The following SLK variants were observed in gnomAD, a reference collection of about 807,000 sequenced individuals.
The protein encoded by SLK is STE20 like kinase.
SLK carries 67 observed loss-of-function variants against 147.7 expected under a neutral mutation model. The observed-to-expected ratio is 0.45, with a 90% CI of 0.37 to 0.56. The LOEUF (loss-of-function observed/expected upper bound fraction) is 0.56. Among genes scored for constraint, SLK ranks in the 20% least tolerant of loss-of-function variants. The pLI is 0.00. For synonymous variants in SLK, 441 were observed against 475.0 expected (o/e 0.93, Z 0.93); for missense variants, 1,136 against 1,438.8 (o/e 0.79, Z 3.41).
At chr10:103,989,988 A>G (rs973108137) in intron 1 of SLK, among the ~76,000 whole-genome samples, 3 of 152,244 alleles carry the variant, frequency 2.0e-5, no homozygotes, top group African/African-American at 4.8e-5. Flanking sequence ...AGACAATAGA[A>G]TATTATTCAG....
In SLK at chr10:104,006,119, G is replaced by T. The variant is rs578108214; in HGVS notation, c.2604+84G>T. Reference sequence around the variant, plus strand: ...CATTAAAAACAGACAAACAAAAAAGGTTGTAGAACTTGTTCTCTGATTGCC... The same window carrying T: ...CATTAAAAACAGACAAACAAAAAAGTTTGTAGAACTTGTTCTCTGATTGCC... On this transcript the variant is annotated intron_variant, in intron 11 of 18. Coordinates refer to ENST00000369755, the MANE Select transcript of SLK (RefSeq NM_014720.4). The T allele has an allele frequency of 5.1e-6, 7 of 1,379,246 alleles. No homozygotes were observed. In the African/African-American group the frequency reaches 1.1e-4, roughly 21 times the overall value. The allele number at this position is 1,379,246 out of a possible 1,614,324, so 85.4% of individuals were successfully genotyped here. A position where few individuals can be genotyped will look rare whatever the true frequency, so the allele number is the denominator to read the frequency against.
intron 18 of SLK, among the ~76,000 whole-genome samples, chr10:104,023,381 C>T (rs574209611): frequency 9.8e-5 from 15 of 152,298 alleles, no homozygotes; most frequent in East Asian, 1.9e-4. Context: ...TAAAGTCATA[C>T]AGGTGTGTGT....
At chr10:103,977,288 T>A (rs1682930016) in intron 1 of SLK, among the ~76,000 whole-genome samples, 1 of 152,214 alleles carries the variant, frequency 6.6e-6, no homozygotes, top group Non-Finnish European at 1.5e-5. Context: ...GAACAAACTC[T>A]ATTTTTGCTT....
intron 1 of SLK, among the ~76,000 whole-genome samples, chr10:103,975,808 C>T (rs1282106079): frequency 6.6e-6 from 1 of 152,168 alleles, no homozygotes; most frequent in Non-Finnish European, 1.5e-5. Flanking sequence ...GGTGCAGGGG[C>T]TCACGCCTGT....
chr10:103,973,846 A>C (rs1293081306), intron 1 of SLK, among the ~76,000 whole-genome samples: 1 of 152,196 alleles, frequency 6.6e-6, no homozygotes, highest in Admixed American at 6.5e-5. Context: ...TTATAAGGTC[A>C]CAACTTAATA....
In SLK at chr10:104,003,062, G is replaced by T; in HGVS notation, c.1884G>T (p.Met628Ile). 6.2e-7 allele frequency: 1 copy of T among 1,613,948 alleles called. No homozygotes were observed. Among genetic ancestry groups the T allele is most frequent in the Non-Finnish European group, 8.5e-7 (1 of 1,179,890 alleles). The part of the protein sequence containing the change: ...EQAINSSENI[M>I]DINEEPGTTE... ...CAATAAACAGTTCAGAGAACATAAT[G>T]GACATCAATGAGGAACCAGGAACAA... The change falls in exon 9 of 19, where the codon ATG becomes ATT. Residue 628 changes from methionine (M) to isoleucine (I), a missense_variant. Around this residue, in one of 6 missense-constraint regions of SLK, gnomAD observed 516 missense variants for 531.3 expected, o/e 0.97. Transcript: ENST00000369755.
intron 1 of SLK, chr10:103,974,400 A>T (rs566883865): frequency 2.0e-5 from 3 of 150,678 alleles, no homozygotes; most frequent in African/African-American, 7.3e-5. Context: ...TCACGAGGTC[A>T]GGAGATCGAG....
rs757534390 is a variant in SLK, at chr10:103,999,882, G to A, written c.798G>A (p.Lys266=). Reference sequence around the variant, plus strand: ...TATTTTAAAGGTCTTCAAATTTTAAGGACTTTCTAAAGAAATGCTTAGAAA... The same window carrying A: ...TATTTTAAAGGTCTTCAAATTTTAAAGACTTTCTAAAGAAATGCTTAGAAA... The part of the protein sequence containing the change: ...AQPSRWSSNF[K]DFLKKCLEKN... Residue 266 remains lysine (K), a synonymous_variant, in exon 7 of 19, where the codon AAG becomes AAA. Transcript: ENST00000369755. 1 of 1,500,658 alleles carries A rather than the reference G, an allele frequency of 6.7e-7. No homozygotes were observed. The highest frequency in any genetic ancestry group is 1.8e-5 in the Admixed American group (1 of 56,622). 93.0% of individuals were successfully genotyped at this position (1,500,658 alleles called of 1,614,324 possible).
chr10:104,015,971 C>A (rs1048629776), intron 13 of SLK, among the ~76,000 whole-genome samples: 5 of 151,692 alleles, frequency 3.3e-5, no homozygotes, highest in African/African-American at 9.7e-5. Context: ...AAAAGAAAAC[C>A]CTTTGATATT....
At chr10:104,014,903 C>T (rs1185026373) in intron 13 of SLK, among the ~76,000 whole-genome samples, 2 of 143,198 alleles carry the variant, frequency 1.4e-5, no homozygotes, top group Non-Finnish European at 3.1e-5. Context: ...TTAAGTTCAT[C>T]TTTTTTTTTT....
rs1375374905 is a variant in SLK, at chr10:103,988,942, C to T, written c.151-1733C>T. Among the ~76,000 whole-genome samples the T allele has an allele frequency of 5.3e-5, 8 of 152,214 alleles. No individual in the cohort carries two copies. The East Asian group carries it at 1.5e-3, about 29-fold the overall frequency. On this transcript the variant is annotated intron_variant, in intron 1 of 18. Transcript: ENST00000369755. The stretch of plus-strand genomic sequence containing the variant: ...TAAGTGGCAAAACCAGAATTTAAAT[C>T]CAGCAGTCTGACCCACCAGAGGCTG...
chr10:104,018,647 C>T (rs1844495422), intron 14 of SLK, 137 bp from the exon 15 acceptor site: 1 of 866,280 alleles, frequency 1.2e-6, no homozygotes, highest in Non-Finnish European at 1.8e-6. Context: ...TACAGTTGCA[C>T]TTGGACAGCT....
chr10:103,992,545 C>G, intron 2 of SLK, 53 bp from the exon 3 acceptor site: 1 of 1,484,936 alleles, frequency 6.7e-7, no homozygotes, highest in Non-Finnish European at 9.1e-7. Flanking sequence ...TACTGAAACT[C>G]AAAACTCCAT....
chr10:103,981,062 T>C (rs1429850583), intron 1 of SLK, among the ~76,000 whole-genome samples: 3 of 152,170 alleles, frequency 2.0e-5, no homozygotes, highest in African/African-American at 4.8e-5. Flanking sequence ...TTTTGACTTA[T>C]ATATCTCTAA....
chr10:103,991,904 A>G (rs1302997369), intron 2 of SLK, among the ~76,000 whole-genome samples: 16 of 152,152 alleles, frequency 1.1e-4, no homozygotes. Context: ...ATAAACAGAT[A>G]AGACCTTTAC....
chr10:103,988,419 G>C (rs1224885317), intron 1 of SLK, among the ~76,000 whole-genome samples: 2 of 152,126 alleles, frequency 1.3e-5, no homozygotes, highest in African/African-American at 4.8e-5. Context: ...TAAGCTTGTG[G>C]GGGTTATTTA....
At chr10:103,999,689 A>C (rs1169525438) in intron 6 of SLK, among the ~76,000 whole-genome samples, 178 bp from the exon 7 acceptor site, 1 of 152,174 alleles carries the variant, frequency 6.6e-6, no homozygotes, top group African/African-American at 2.4e-5. Flanking sequence ...TATGTCTAAC[A>C]TGTATTTACA....
intron 10 of SLK, 31 bp from the exon 11 acceptor site, chr10:104,005,881 C>G (rs756415897): frequency 6.3e-7 from 1 of 1,574,888 alleles, no homozygotes; most frequent in South Asian, 1.2e-5. Flanking sequence ...TTTTTGCTGT[C>G]TTCTCTATCA....
At chr10:103,992,687 T>C (rs1844114251) in intron 3 of SLK, 41 bp downstream of exon 3, 2 of 1,535,004 alleles carry the variant, frequency 1.3e-6, no homozygotes, top group Non-Finnish European at 1.8e-6. Flanking sequence ...TCTTAAATTA[T>C]ACTTGATAAG....
Sources: allele counts gnomAD v4.1 joint callset (sites outside exome capture counted in the v4.1 genomes callset), GRCh38; gene constraint gnomAD v4.1.1; regional missense constraint gnomAD v4.1.1; transcripts MANE v1.5; gene names NCBI Gene and HGNC (gene_info 2026-07-23, HGNC 2026-07-21).